The following MRTFA variants were observed in gnomAD, a reference collection of about 807,000 sequenced individuals.
MRTFA encodes the protein myocardin related transcription factor A.
MRTFA carries 20 observed loss-of-function variants against 83.5 expected under a neutral mutation model. The observed-to-expected ratio is 0.24, with a 90% CI of 0.17 to 0.35. MRTFA has a LOEUF of 0.35. MRTFA is among the 10% of genes least tolerant of loss of function. The pLI, the probability that MRTFA is intolerant of heterozygous loss-of-function variation, is 1.00. For synonymous variants in MRTFA, 659 were observed against 541.2 expected (o/e 1.22, Z -3.02); for missense variants, 1,200 against 1,224.7 (o/e 0.98, Z 0.30).
At chr22:40,417,525 C>T in intron 12 of MRTFA, 32 bp from the exon 13 acceptor site, 1 of 1,496,900 alleles carries the variant, frequency 6.7e-7, no homozygotes, top group South Asian at 1.2e-5. Context: ...GGACCAGTGG[C>T]CAGGGGGCTG....
intron 2 of MRTFA, 43 bp from the exon 3 acceptor site, chr22:40,552,410 A>G: frequency 2.5e-6 from 1 of 397,082 alleles, no homozygotes. Context: ...TGGTACCATG[A>G]TAATATGGTT....
intron 1 of MRTFA, among the ~76,000 whole-genome samples, chr22:40,631,553 G>C (rs2056642250): frequency 6.6e-6 from 1 of 151,668 alleles, no homozygotes; most frequent in African/African-American, 2.4e-5. Context: ...TATGACTCTA[G>C]TATTTATGTT....
intron 4 of MRTFA, among the ~76,000 whole-genome samples, chr22:40,459,228 T>G: frequency 9.6e-6 from 1 of 103,822 alleles, no homozygotes; most frequent in African/African-American, 4.3e-5. Context: ...ACTCACTAGG[T>G]AGGGGTCTGG....
At chr22:40,553,916 C>T (rs988557133) in intron 2 of MRTFA, among the ~76,000 whole-genome samples, 1 of 152,198 alleles carries the variant, frequency 6.6e-6, no homozygotes. Context: ...CTGCTCAAGG[C>T]CGTGGGAGCC....
chr22:40,566,649 T>C (rs758674352), intron 2 of MRTFA, among the ~76,000 whole-genome samples: 1 of 152,104 alleles, frequency 6.6e-6, no homozygotes, highest in Admixed American at 6.5e-5. Flanking sequence ...CTGGCCAACA[T>C]GTTGAAACCT....
intron 2 of MRTFA, among the ~76,000 whole-genome samples, chr22:40,590,855 T>C (rs2056109807): frequency 6.6e-6 from 1 of 151,778 alleles, no homozygotes; most frequent in South Asian, 2.1e-4. Context: ...AAATAGCAGC[T>C]GGGCACGGTG....
At chr22:40,541,204 G>A (rs932660878) in intron 3 of MRTFA, among the ~76,000 whole-genome samples, 6 of 152,146 alleles carry the variant, frequency 3.9e-5, no homozygotes, top group Non-Finnish European at 8.8e-5. Flanking sequence ...ACCATAGAAA[G>A]CTGTCAATTT....
intron 1 of MRTFA, among the ~76,000 whole-genome samples, chr22:40,627,937 C>A (rs1407923658): frequency 6.6e-6 from 1 of 152,120 alleles, no homozygotes; most frequent in Non-Finnish European, 1.5e-5. Flanking sequence ...TGCCACTACA[C>A]TCATGTCTGG....
At chr22:40,546,429 C>T (rs1171723495) in intron 3 of MRTFA, among the ~76,000 whole-genome samples, 1 of 152,136 alleles carries the variant, frequency 6.6e-6, no homozygotes, top group African/African-American at 2.4e-5. Context: ...CGTAGATATC[C>T]GTGGAGGAAA....
chr22:40,614,900 T>C (rs568885668), intron 1 of MRTFA, among the ~76,000 whole-genome samples: 4 of 152,346 alleles, frequency 2.6e-5, no homozygotes, highest in East Asian at 1.9e-4. Context: ...TCTGGATATA[T>C]ATAGCATGTG....
At chr22:40,454,162 G>A (rs1405526350) in intron 4 of MRTFA, among the ~76,000 whole-genome samples, 1 of 152,132 alleles carries the variant, frequency 6.6e-6, no homozygotes, top group Non-Finnish European at 1.5e-5. Context: ...AGGGAGGCAG[G>A]GTCTCACTCT....
In MRTFA at chr22:40,614,426, AT is replaced by A. The variant is rs1449984763; in HGVS notation, c.-83-19692del. Among the ~76,000 whole-genome samples, 684 of 151,590 alleles carry A rather than the reference AT, an allele frequency of 4.5e-3. 1 individual carries two copies. The highest frequency in any genetic ancestry group is 7.5e-3 in the Non-Finnish European group (509 of 67,850). On this transcript the variant is annotated intron_variant, in intron 1 of 14. Coordinates refer to ENST00000355630, the MANE Select transcript of MRTFA (RefSeq NM_020831.6). ...ACCCTGTCTCCAAAAAAAAAAAAAA[AT>A]ATTATATTTCCCTTGCAATTATGTT...
At chr22:40,508,778 G>A (rs2054622245) in intron 3 of MRTFA, among the ~76,000 whole-genome samples, 3 of 150,404 alleles carry the variant, frequency 2.0e-5, no homozygotes, top group Non-Finnish European at 2.9e-5. Context: ...AACAATTTTG[G>A]AGGCCAAAAC....
intron 1 of MRTFA, among the ~76,000 whole-genome samples, chr22:40,618,702 G>A (rs566878496): frequency 6.6e-6 from 1 of 152,204 alleles, no homozygotes; most frequent in African/African-American, 2.4e-5. Flanking sequence ...GGTGGCTCAC[G>A]CCTTTAATTC....
At chr22:40,429,842 C>T (rs970310111) in intron 6 of MRTFA, 75 bp from the exon 7 acceptor site, 22 of 1,445,264 alleles carry the variant, frequency 1.5e-5, no homozygotes, top group Non-Finnish European at 2.0e-5. Flanking sequence ...TCCAGAGCAG[C>T]TCTCCTTCCT....
At chr22:40,544,055 G>C (rs9611369) in intron 3 of MRTFA, among the ~76,000 whole-genome samples, 2 of 152,092 alleles carry the variant, frequency 1.3e-5, no homozygotes, top group Non-Finnish European at 2.9e-5. Flanking sequence ...GAAAGACGTA[G>C]CTCTGTTGAT....
At chr22:40,634,624 A>G (rs368268888) in intron 1 of MRTFA, among the ~76,000 whole-genome samples, 6 of 152,206 alleles carry the variant, frequency 3.9e-5, no homozygotes, top group East Asian at 3.8e-4. Context: ...AGCAGGGACC[A>G]TATCTCACTT....
chr22:40,605,451 A>T (rs1439814919), intron 1 of MRTFA, among the ~76,000 whole-genome samples: 11 of 152,326 alleles, frequency 7.2e-5, no homozygotes, highest in Non-Finnish European at 4.4e-5. Flanking sequence ...ATGCCAGAAG[A>T]GGTGGTGAGA....
At chr22:40,444,686 G>A (rs1021375979) in intron 4 of MRTFA, among the ~76,000 whole-genome samples, 1 of 152,112 alleles carries the variant, frequency 6.6e-6, no homozygotes, top group Admixed American at 6.6e-5. Flanking sequence ...CATCAGAGAA[G>A]GGATATGTGG....
Sources: allele counts gnomAD v4.1 joint callset (sites outside exome capture counted in the v4.1 genomes callset), GRCh38; gene constraint gnomAD v4.1.1; transcripts MANE v1.5; gene names NCBI Gene and HGNC (gene_info 2026-07-23, HGNC 2026-07-21).